SHANK2: variants seen among roughly 807,000 people sequenced by gnomAD.
SHANK2 encodes the protein SH3 and multiple ankyrin repeat domains protein 2.
Under a neutral mutation model 133.7 loss-of-function variants are expected in SHANK2, and 43 were observed. That is an observed-to-expected ratio of 0.32 (90% CI 0.25 to 0.41). The LOEUF is 0.41. Among genes scored for constraint, SHANK2 ranks in the 10% least tolerant of loss-of-function variants. The pLI, the probability that SHANK2 is intolerant of heterozygous loss-of-function variation, is 1.00. For synonymous variants in SHANK2, 1,017 were observed against 952.8 expected (o/e 1.07, Z -1.24); for missense variants, 1,994 against 2,235.8 (o/e 0.89, Z 2.18).
chr11:70,510,639 G>T (rs1287315683), intron 17 of SHANK2, among the ~76,000 whole-genome samples: 1 of 152,200 alleles, frequency 6.6e-6, no homozygotes, highest in Non-Finnish European at 1.5e-5. Flanking sequence ...GGAGCTGGGG[G>T]AACCTGTCTG....
chr11:71,156,819 CT>C (rs1555109173), intron 2 of SHANK2, among the ~76,000 whole-genome samples: 2 of 152,290 alleles, frequency 1.3e-5, no homozygotes, highest in South Asian at 2.1e-4. Context: ...TTCTTTTCCC[CT>C]GGGGCTCATA....
At chr11:70,676,614 G>A (rs960219678) in intron 15 of SHANK2, among the ~76,000 whole-genome samples, 2 of 152,210 alleles carry the variant, frequency 1.3e-5, no homozygotes, top group Admixed American at 6.5e-5. Context: ...TTTATTACTT[G>A]CAGCCAAATG....
At chr11:71,168,792 G>C (rs1339014039) in intron 2 of SHANK2, among the ~76,000 whole-genome samples, 1 of 141,268 alleles carries the variant, frequency 7.1e-6, no homozygotes, top group Non-Finnish European at 1.6e-5. Flanking sequence ...ACCGTGGAGA[G>C]AGGGAGAGGG....
intron 11 of SHANK2, among the ~76,000 whole-genome samples, chr11:70,890,797 CAA>C (rs11388360): frequency 4.9e-4 from 61 of 125,160 alleles, no homozygotes; most frequent in African/African-American, 1.7e-3. Flanking sequence ...GAAACTGTCT[CAA>C]AAAAAAAAAA....
At chr11:71,094,327 T>C (rs1951568816) in intron 7 of SHANK2, among the ~76,000 whole-genome samples, 1 of 152,196 alleles carries the variant, frequency 6.6e-6, no homozygotes, top group South Asian at 2.1e-4. Flanking sequence ...CCATTAATTC[T>C]GAAAGCATCG....
At position 70,473,761 on chromosome 11, in the gene SHANK2, G is replaced by A. The variant is rs1278483796; in HGVS notation, c.4980-322C>T. ...CTGAACTGGGACAGAGGGGCTGGGG[G>A]ACCTGCCTGTGCTGGGGGGCAGGGC... On this transcript the variant is annotated intron_variant, in intron 25 of 25. Coordinates refer to ENST00000601538, the MANE Select transcript of SHANK2 (RefSeq NM_012309.5). This position sits in a 1 kb window ranked among gnomAD's most constrained non-coding sequence, Gnocchi z 5.9. 2.2e-5 allele frequency: 9 copies of A among 413,866 alleles called. No individual in the cohort carries two copies. The Admixed American group carries it at 3.2e-4, about 15-fold the overall frequency. 25.6% of individuals were successfully genotyped at this position (413,866 alleles called of 1,614,324 possible). A position where few individuals can be genotyped will look rare whatever the true frequency, so the allele number is the denominator to read the frequency against.
chr11:70,803,721 G>C (rs551188583), intron 13 of SHANK2, among the ~76,000 whole-genome samples: 5 of 151,916 alleles, frequency 3.3e-5, no homozygotes, highest in Admixed American at 1.3e-4. Flanking sequence ...TGGCTCAGGA[G>C]CCTGATGCTG....
intron 11 of SHANK2, among the ~76,000 whole-genome samples, chr11:70,842,522 CT>C: frequency 1.3e-5 from 2 of 152,336 alleles, no homozygotes; most frequent in East Asian, 1.9e-4. Context: ...GCACTTGTCC[CT>C]TTCAGGAGCT....
chr11:70,545,985 CAGGGA>C (rs2059688051), intron 17 of SHANK2, among the ~76,000 whole-genome samples: 1 of 152,134 alleles, frequency 6.6e-6, no homozygotes, highest in Non-Finnish European at 1.5e-5. Context: ...GAACAGCCCA[CAGGGA>C]AGAGAAGCTC....
At chr11:70,475,993 G>A (rs911103750) in intron 25 of SHANK2, among the ~76,000 whole-genome samples, 11 of 152,084 alleles carry the variant, frequency 7.2e-5, no homozygotes, top group Admixed American at 5.9e-4. Flanking sequence ...AGGCCTAGGT[G>A]GGTGAATCAT....
rs1953424478 is a variant in SHANK2 at position 71,175,597 on chromosome 11, A to T, written c.-12-28259T>A. 7.1e-6 allele frequency among the ~76,000 whole-genome samples: 1 copy of T among 141,192 alleles called. No homozygotes were observed. The highest frequency in any genetic ancestry group is 2.2e-4 in the South Asian group (1 of 4,628). The allele number at this position is 141,192 out of a possible 152,430, so 92.6% of individuals were successfully genotyped here. A position where few individuals can be genotyped will look rare whatever the true frequency, so the allele number is the denominator to read the frequency against. On this transcript the variant is annotated intron_variant, in intron 2 of 25. Coordinates refer to ENST00000601538, the MANE Select transcript of SHANK2 (RefSeq NM_012309.5). This position sits in a 1 kb window ranked among gnomAD's most constrained non-coding sequence, Gnocchi z 4.2. ...GAGAGAGAGAGAGAGAGAGAGAGAG[A>T]GAGAGACAGAGACAGAGACATCGCT...
At chr11:70,504,780 A>G (rs1554968031) in intron 17 of SHANK2, among the ~76,000 whole-genome samples, 1 of 151,736 alleles carries the variant, frequency 6.6e-6, no homozygotes, top group African/African-American at 2.4e-5. Context: ...CGGATCGAGG[A>G]AGACAGCACC....
intron 6 of SHANK2, among the ~76,000 whole-genome samples, chr11:71,096,058 GCTTCCTGTCTT>G (rs1205143809): frequency 6.8e-6 from 1 of 148,066 alleles, no homozygotes; most frequent in East Asian, 2.0e-4. Flanking sequence ...TGAAAAGCAG[GCTTCCTGTCTT>G]CCCCAACTAG....
At chr11:70,665,860 T>G (rs536570281) in intron 15 of SHANK2, among the ~76,000 whole-genome samples, 2 of 152,296 alleles carry the variant, frequency 1.3e-5, no homozygotes, top group African/African-American at 4.8e-5. Context: ...GTCCACCTTC[T>G]TGAGCTGGGT....
At chr11:71,218,233 T>C (rs1210297222) in intron 2 of SHANK2, among the ~76,000 whole-genome samples, 2 of 151,692 alleles carry the variant, frequency 1.3e-5, no homozygotes, top group East Asian at 3.9e-4. Flanking sequence ...CAATTTATTA[T>C]TGAAGAAATT....
Position 70,471,414 on chromosome 11 carries a change from C to G in SHANK2, c.*1455G>C, listed in dbSNP as rs1222631121. ...GACTGTGTGTTTTGCGGCCCATGTG[C>G]ATCTGGTGACCTCTTTTGGAAATTC... On this transcript the variant is annotated 3_prime_UTR_variant, in exon 26 of 26. Coordinates refer to ENST00000601538, the MANE Select transcript of SHANK2 (RefSeq NM_012309.5). This position sits in a 1 kb window ranked among gnomAD's most constrained non-coding sequence, Gnocchi z 4.1. The G allele has an allele frequency of 2.5e-6, 1 of 398,752 alleles. No individual in the cohort carries two copies. The highest frequency in any genetic ancestry group is 2.1e-5 in the African/African-American group (1 of 48,602). 24.7% of individuals were successfully genotyped at this position (398,752 alleles called of 1,614,324 possible).
At chr11:71,234,183 TAAAAAAA>T (rs71049965) in intron 1 of SHANK2, among the ~76,000 whole-genome samples, 3 of 35,470 alleles carry the variant, frequency 8.5e-5, no homozygotes, top group African/African-American at 2.7e-4. Context: ...CCCTCTCTAC[TAAAAAAA>T]AAAAAAAAAA....
rs951748327 is a variant in SHANK2, at chr11:71,080,884, T to C, written c.913-5609A>G. On this transcript the variant is annotated intron_variant, in intron 8 of 25. Coordinates refer to ENST00000601538, the MANE Select transcript of SHANK2 (RefSeq NM_012309.5). ...AGTCAAGGAGGCCAATGCACCTGAA[T>C]GAATGCAGGAACACGGGCAGCGGAC... Among the ~76,000 whole-genome samples, 9 of 152,278 alleles carry C rather than the reference T, an allele frequency of 5.9e-5. No homozygotes were observed. In the East Asian group the frequency reaches 1.4e-3, roughly 23 times the overall value.
intron 2 of SHANK2, among the ~76,000 whole-genome samples, chr11:71,161,822 T>C (rs1171362110): frequency 6.6e-6 from 1 of 152,262 alleles, no homozygotes; most frequent in African/African-American, 2.4e-5. Context: ...TCTGGGACTA[T>C]AAAATGGGCC....
Sources: gnomAD v4.1 joint callset for allele counts (sites outside exome capture counted in the v4.1 genomes callset) on GRCh38, gnomAD v4.1.1 for gene constraint, Gnocchi (gnomAD v3.1) non-coding constraint, MANE v1.5 for transcripts, NCBI Gene and HGNC (gene_info 2026-07-23, HGNC 2026-07-21) for gene names.